Variants in SORCS1 observed in about 807,000 individuals in gnomAD.
SORCS1 encodes sortilin related VPS10 domain containing receptor 1.
A neutral mutation model predicts 146.1 loss-of-function variants in SORCS1; 60 were observed. That is an observed-to-expected ratio of 0.41 (90% CI 0.33 to 0.51). SORCS1 has a LOEUF of 0.51. Ranked by LOEUF, SORCS1 falls within the 20% of genes least tolerant of loss-of-function variation. The pLI, the probability that SORCS1 is intolerant of heterozygous loss-of-function variation, is 0.21. For missense variants in SORCS1, 1,352 were observed against 1,487.6 expected, an observed-to-expected ratio of 0.91 and a Z score of 1.50; for synonymous variants, 637 against 584.0, an observed-to-expected ratio of 1.09 and a Z score of -1.31.
At chr10:106,922,624 G>A (rs1952767568) in intron 2 of SORCS1, among the ~76,000 whole-genome samples, 1 of 152,032 alleles carries the variant, frequency 6.6e-6, no homozygotes, top group Non-Finnish European at 1.5e-5. Flanking sequence ...TACACACACA[G>A]CCTCCCCTGC....
chr10:106,842,874 A>G (rs1040230132), intron 2 of SORCS1, among the ~76,000 whole-genome samples: 1 of 152,054 alleles, frequency 6.6e-6, no homozygotes. Flanking sequence ...CAGCCTCCCA[A>G]AGTGCTGAGA....
intron 2 of SORCS1, among the ~76,000 whole-genome samples, chr10:106,857,197 C>T (rs1949820967): frequency 6.6e-6 from 1 of 152,194 alleles, no homozygotes; most frequent in South Asian, 2.1e-4. Context: ...TGAATGAATG[C>T]CTAATGGGCA....
chr10:106,997,415 C>G (rs568749636), intron 1 of SORCS1, among the ~76,000 whole-genome samples: 2 of 152,170 alleles, frequency 1.3e-5, no homozygotes, highest in African/African-American at 4.8e-5. Context: ...TGACCAAATG[C>G]TTTTCTCTTT....
At chr10:106,795,646 G>T (rs1186260992) in intron 3 of SORCS1, among the ~76,000 whole-genome samples, 2 of 152,132 alleles carry the variant, frequency 1.3e-5, no homozygotes, top group African/African-American at 4.8e-5. Context: ...TGAAATAATG[G>T]GTGTTCGTGT....
intron 1 of SORCS1, among the ~76,000 whole-genome samples, chr10:106,996,823 T>A (rs917372848): frequency 1.3e-5 from 2 of 152,182 alleles, no homozygotes; most frequent in Middle Eastern, 3.2e-3. Flanking sequence ...AAACTCAATG[T>A]TTCCAATACT....
chr10:107,074,871 T>C (rs758247651), intron 1 of SORCS1, among the ~76,000 whole-genome samples: 2 of 152,226 alleles, frequency 1.3e-5, no homozygotes, highest in Non-Finnish European at 2.9e-5. Flanking sequence ...TGTTAAGTTC[T>C]TATTGTTGAG....
chr10:106,746,704 T>C (rs1269869856), intron 5 of SORCS1, among the ~76,000 whole-genome samples: 1 of 152,254 alleles, frequency 6.6e-6, no homozygotes, highest in Non-Finnish European at 1.5e-5. Context: ...TTATTTATTC[T>C]TGGGCTTCCC....
chr10:106,989,081 C>A (rs12571146), intron 1 of SORCS1, among the ~76,000 whole-genome samples: 32,983 of 147,130 alleles, frequency 0.22, 4,424 homozygotes, highest in Middle Eastern at 0.34. Context: ...CAACATAGTG[C>A]AACCCTGCCT....
intron 4 of SORCS1, 58 bp from the exon 5 acceptor site, chr10:106,761,719 C>T (rs2136253012): frequency 7.1e-7 from 1 of 1,403,254 alleles, no homozygotes; most frequent in Non-Finnish European, 1.0e-6. Context: ...AATACACAAA[C>T]ATCAGTTCAT....
chr10:107,151,721 G>A (rs898293209), intron 1 of SORCS1, among the ~76,000 whole-genome samples: 1 of 152,160 alleles, frequency 6.6e-6, no homozygotes, highest in African/African-American at 2.4e-5. Context: ...TATGCAAAGA[G>A]ACTGGTGGCA....
intron 1 of SORCS1, among the ~76,000 whole-genome samples, chr10:107,075,429 T>G (rs1245899421): frequency 6.6e-6 from 1 of 152,114 alleles, no homozygotes; most frequent in African/African-American, 2.4e-5. Flanking sequence ...TTCTGTGAAG[T>G]TGACATCAAC....
chr10:106,761,672 C>T lies in SORCS1; in HGVS notation c.886-11G>A, dbSNP rs1859121421. On this transcript the variant is annotated splice_polypyrimidine_tract_variant and intron_variant, in intron 4 of 25. Coordinates refer to ENST00000263054, the MANE Select transcript of SORCS1 (RefSeq NM_052918.5). ...AGCAGAGCTGTATAACTGTAAAGAA[C>T]AGAAATTACTCAGCACTATGGTTCT... 1 of 1,613,002 alleles carries T rather than the reference C, an allele frequency of 6.2e-7. No homozygotes were observed. Among genetic ancestry groups the T allele is most frequent in the Admixed American group, 1.7e-5 (1 of 60,012 alleles).
At chr10:106,939,045 G>T (rs777580785) in intron 2 of SORCS1, among the ~76,000 whole-genome samples, 1 of 152,184 alleles carries the variant, frequency 6.6e-6, no homozygotes, top group Non-Finnish European at 1.5e-5. Context: ...ATTCTGACTC[G>T]TTTTTGAGGT....
chr10:106,988,290 A>AT (rs34284963), intron 1 of SORCS1, among the ~76,000 whole-genome samples: 1 of 152,114 alleles, frequency 6.6e-6, no homozygotes, highest in South Asian at 2.1e-4. Flanking sequence ...TAAAATTGTT[A>AT]TTTTTTCAGA....
intron 2 of SORCS1, 46 bp from the exon 3 acceptor site, chr10:106,829,719 T>G (rs1392003539): frequency 6.8e-7 from 1 of 1,465,338 alleles, no homozygotes; most frequent in Non-Finnish European, 9.5e-7. Context: ...TATATGTCAT[T>G]TGGCTGCTTG....
At chr10:106,894,371 G>A (rs892503096) in intron 2 of SORCS1, among the ~76,000 whole-genome samples, 2 of 151,326 alleles carry the variant, frequency 1.3e-5, no homozygotes, top group African/African-American at 4.9e-5. Context: ...ACATGTTCTG[G>A]GTAGAAAACT....
chr10:106,962,610 T>C (rs182260417), intron 1 of SORCS1, among the ~76,000 whole-genome samples: 6 of 152,208 alleles, frequency 3.9e-5, no homozygotes, highest in East Asian at 3.9e-4. Flanking sequence ...TATTTCCAAA[T>C]CCTGAATAAT....
chr10:106,803,751 G>C (rs1013190766), intron 3 of SORCS1, among the ~76,000 whole-genome samples: 7 of 152,186 alleles, frequency 4.6e-5, no homozygotes, highest in Admixed American at 4.6e-4. Context: ...TGTAGTGTCT[G>C]TCAGAATTGT....
intron 2 of SORCS1, among the ~76,000 whole-genome samples, chr10:106,945,908 T>C (rs943968216): frequency 3.3e-5 from 5 of 152,224 alleles, no homozygotes; most frequent in African/African-American, 1.2e-4. Context: ...CAGATCCTTA[T>C]AGAACGAGCT....
Sources: allele counts gnomAD v4.1 joint callset (sites outside exome capture counted in the v4.1 genomes callset), GRCh38; gene constraint gnomAD v4.1.1; transcripts MANE v1.5; gene names NCBI Gene and HGNC (gene_info 2026-07-23, HGNC 2026-07-21).